GPR19: variants seen among roughly 807,000 people sequenced by gnomAD.
The protein encoded by GPR19 is G protein-coupled receptor 19, also known as probable G protein-coupled receptor 19.
A neutral mutation model predicts 28.5 loss-of-function variants in GPR19; 14 were observed. The ratio of observed to expected loss-of-function variants is 0.49; its 90% confidence interval spans 0.32 to 0.77. The LOEUF is 0.77. GPR19 is among the 30% of genes least tolerant of loss of function. The probability of loss-of-function intolerance (pLI) is 0.03; values close to 1 mark genes in which losing one functional copy is unlikely to be tolerated. For missense variants in GPR19, 409 were observed against 504.1 expected (o/e 0.81, Z 1.81); for synonymous variants, 173 against 184.1 (o/e 0.94, Z 0.49).
At chr12:12,691,807 C>T (rs1263540903) in intron 2 of GPR19, among the ~76,000 whole-genome samples, 1 of 152,120 alleles carries the variant, frequency 6.6e-6, no homozygotes, top group East Asian at 1.9e-4. Flanking sequence ...TTGAAAACAC[C>T]CTTCAAGGGT....
At chr12:12,706,702 T>C in the GPR19 span, among the ~76,000 whole-genome samples, 3 of 152,316 alleles carry the variant, frequency 2.0e-5, no homozygotes, top group South Asian at 2.1e-4. Flanking sequence ...CATCATGAAC[T>C]CTTTCTCACA....
intron 3 of GPR19, among the ~76,000 whole-genome samples, chr12:12,671,143 A>G (rs1341336261): frequency 7.7e-6 from 1 of 129,768 alleles, no homozygotes; most frequent in Non-Finnish European, 1.6e-5. Context: ...TACTAAAAAT[A>G]AAAAAAAAAA....
intron 2 of GPR19, among the ~76,000 whole-genome samples, chr12:12,685,492 A>G (rs1027663586): frequency 6.6e-6 from 1 of 152,120 alleles, no homozygotes; most frequent in African/African-American, 2.4e-5. Flanking sequence ...TGCTTTGCTG[A>G]CGTCCTAGTT....
At chr12:12,696,910 C>T (rs1043798368), upstream of GPR19, among the ~76,000 whole-genome samples, 3 of 152,086 alleles carry the variant, frequency 2.0e-5, no homozygotes, top group South Asian at 2.1e-4. Context: ...ATCGGTGCCG[C>T]GTCAGAGCTG....
the GPR19 span, among the ~76,000 whole-genome samples, chr12:12,706,451 G>A: frequency 6.6e-6 from 1 of 152,066 alleles, no homozygotes; most frequent in Non-Finnish European, 1.5e-5. Context: ...CACTCCCTTG[G>A]TGTTCTTATC....
chr12:12,680,387 G>A (rs1359333526), intron 3 of GPR19, among the ~76,000 whole-genome samples: 1 of 152,206 alleles, frequency 6.6e-6, no homozygotes, highest in Non-Finnish European at 1.5e-5. Flanking sequence ...CAGACATGCA[G>A]TGTCTGGGAG....
intron 3 of GPR19, among the ~76,000 whole-genome samples, chr12:12,677,286 A>T (rs1230341288): frequency 7.3e-5 from 11 of 150,400 alleles, no homozygotes; most frequent in Admixed American, 1.3e-4. Flanking sequence ...GGCTCACTGC[A>T]ACCTCTGCCT....
chr12:12,694,161 A>C (rs1946226701), intron 2 of GPR19, among the ~76,000 whole-genome samples: 1 of 142,124 alleles, frequency 7.0e-6, no homozygotes, highest in Non-Finnish European at 1.5e-5. Flanking sequence ...AGGTGATTCT[A>C]ATGTGTGGGC....
chr12:12,699,451 T>A (rs150920826), upstream of GPR19, among the ~76,000 whole-genome samples: 18 of 141,536 alleles, frequency 1.3e-4, no homozygotes, highest in East Asian at 3.4e-3. Flanking sequence ...CACTCAGGTC[T>A]TAAGTATTGG....
At chr12:12,716,183 A>G in the GPR19 span, among the ~76,000 whole-genome samples, 1 of 152,168 alleles carries the variant, frequency 6.6e-6, no homozygotes, top group African/African-American at 2.4e-5. Flanking sequence ...TGCAAAAGGG[A>G]GAAGAGAAAC....
chr12:12,672,380 G>A (rs1945865714), intron 3 of GPR19, among the ~76,000 whole-genome samples: 1 of 152,094 alleles, frequency 6.6e-6, no homozygotes, highest in South Asian at 2.1e-4. Flanking sequence ...GTTTAATACT[G>A]AACTTCCCTA....
chr12:12,666,723 T>C (rs376461138), intron 3 of GPR19, among the ~76,000 whole-genome samples: 2 of 152,348 alleles, frequency 1.3e-5, no homozygotes, highest in African/African-American at 4.8e-5. Context: ...AAATTGGATC[T>C]GTAAGGACAG....
chr12:12,700,272 T>C (rs1946312624), upstream of GPR19, among the ~76,000 whole-genome samples: 5 of 152,078 alleles, frequency 3.3e-5, no homozygotes, highest in South Asian at 1.0e-3. Context: ...AATGCAGCCT[T>C]GACTTCTTGG....
chr12:12,692,406 T>C (rs1462296808), intron 2 of GPR19, among the ~76,000 whole-genome samples: 2 of 152,130 alleles, frequency 1.3e-5, no homozygotes, highest in African/African-American at 4.8e-5. Context: ...TTTGTAATAT[T>C]AGCCAGGTTA....
the GPR19 span, among the ~76,000 whole-genome samples, chr12:12,705,357 C>T: frequency 1.3e-5 from 2 of 152,238 alleles, no homozygotes; most frequent in Admixed American, 1.3e-4. Flanking sequence ...TAAAGCCATA[C>T]ACTGTTTATC....
At chr12:12,685,307 ATAGT>A (rs1946079786) in intron 2 of GPR19, among the ~76,000 whole-genome samples, 2 of 148,068 alleles carry the variant, frequency 1.4e-5, no homozygotes, top group Non-Finnish European at 3.0e-5. Context: ...TTCCTGTAAC[ATAGT>A]TTACTGCATG....
upstream of GPR19, among the ~76,000 whole-genome samples, chr12:12,700,095 G>A (rs543547921): frequency 5.3e-5 from 8 of 151,562 alleles, no homozygotes; most frequent in African/African-American, 1.7e-4. Context: ...TTACAGGTAT[G>A]AGCCACTGCA....
At position 12,664,232 on chromosome 12, in the gene GPR19, C is replaced by G. The variant is rs545192846; in HGVS notation, c.-22-1762G>C. Among the ~76,000 whole-genome samples the G allele has an allele frequency of 4.6e-5, 7 of 152,238 alleles. No individual in the cohort carries two copies. The South Asian group carries it at 1.5e-3, about 32-fold the overall frequency. ...CTTGAACTCCTGACCTCAAGTGATT[C>G]GCCCGCCTTGGCCTCCCAAAGTGCT... On this transcript the variant is annotated intron_variant, in intron 3 of 3. Coordinates refer to ENST00000651487, the MANE Select transcript of GPR19 (RefSeq NM_006143.3).
chr12:12,715,190 C>G, the GPR19 span: 1 of 152,120 alleles, frequency 6.6e-6, no homozygotes, highest in African/African-American at 2.4e-5. Flanking sequence ...ATATAGAGTT[C>G]CTGTGTTGTC....
Sources: allele counts gnomAD v4.1 joint callset (sites outside exome capture counted in the v4.1 genomes callset), GRCh38; gene constraint gnomAD v4.1.1; transcripts MANE v1.5; gene names NCBI Gene and HGNC (gene_info 2026-07-23, HGNC 2026-07-21).